Variants in CSMD1 observed in about 807,000 individuals in gnomAD.
The protein encoded by CSMD1 is CUB and sushi domain-containing protein 1.
In CSMD1, 213 loss-of-function variants were observed where a neutral mutation model predicts 417.5. That is an observed-to-expected ratio of 0.51 (90% CI 0.46 to 0.57). The LOEUF is 0.57. Ranked by LOEUF, CSMD1 falls within the 20% of genes least tolerant of loss-of-function variation. CSMD1 has a pLI of 0.00. For missense variants in CSMD1, 6,923 were observed against 4,529.7 expected (o/e 1.53, Z -15.17); for synonymous variants, 2,862 against 1,736.8 (o/e 1.65, Z -16.11).
intron 3 of CSMD1, among the ~76,000 whole-genome samples, chr8:4,356,508 C>G (rs1051036708): frequency 6.6e-6 from 1 of 152,116 alleles, no homozygotes; most frequent in Non-Finnish European, 1.5e-5. Context: ...ATTGCTGGAT[C>G]AAATGTTGTT....
intron 1 of CSMD1, among the ~76,000 whole-genome samples, chr8:4,875,834 C>A (rs1323856136): frequency 6.6e-6 from 1 of 152,100 alleles, no homozygotes; most frequent in East Asian, 1.9e-4. Context: ...GACACACACA[C>A]ACACACACAA....
At chr8:3,991,100 G>A (rs1411117323) in intron 5 of CSMD1, among the ~76,000 whole-genome samples, 3 of 152,276 alleles carry the variant, frequency 2.0e-5, no homozygotes, top group East Asian at 3.9e-4. Context: ...CTTCATCCCT[G>A]GCCACGAGCC....
intron 1 of CSMD1, among the ~76,000 whole-genome samples, chr8:4,945,280 G>A (rs1177352162): frequency 6.6e-6 from 1 of 152,198 alleles, no homozygotes; most frequent in East Asian, 1.9e-4. Context: ...AATGGGAACA[G>A]AGTTTTAGTT....
At chr8:4,582,513 G>A (rs937291703) in intron 2 of CSMD1, among the ~76,000 whole-genome samples, 1 of 152,178 alleles carries the variant, frequency 6.6e-6, no homozygotes, top group South Asian at 2.1e-4. Flanking sequence ...GAGAAACTAA[G>A]TCCTGTAGTC....
chr8:3,542,811 C>A (rs1370328289), intron 10 of CSMD1, among the ~76,000 whole-genome samples: 2 of 152,210 alleles, frequency 1.3e-5, no homozygotes, highest in Non-Finnish European at 2.9e-5. Flanking sequence ...GATGCTTTAG[C>A]TAAGCAAGAT....
At chr8:4,268,503 G>T (rs1233646462) in intron 3 of CSMD1, among the ~76,000 whole-genome samples, 3 of 152,122 alleles carry the variant, frequency 2.0e-5, no homozygotes, top group African/African-American at 7.2e-5. Context: ...GTAGTATTTA[G>T]AGAAACAAGT....
intron 5 of CSMD1, among the ~76,000 whole-genome samples, chr8:3,802,162 A>C (rs764388076): frequency 6.6e-6 from 1 of 152,188 alleles, no homozygotes; most frequent in Non-Finnish European, 1.5e-5. Context: ...TCAAAAAATA[A>C]TTACTATGAC....
chr8:4,427,224 G>A (rs934754621), intron 2 of CSMD1, among the ~76,000 whole-genome samples: 1 of 152,114 alleles, frequency 6.6e-6, no homozygotes, highest in Non-Finnish European at 1.5e-5. Context: ...CCCAAGAGAG[G>A]CACACGCCGT....
intron 3 of CSMD1, among the ~76,000 whole-genome samples, chr8:4,250,836 A>C (rs1387613363): frequency 6.6e-6 from 1 of 152,200 alleles, no homozygotes; most frequent in Non-Finnish European, 1.5e-5. Context: ...GTTTTTTAGA[A>C]TATGTCAACA....
At chr8:4,697,383 G>A (rs937301828) in intron 1 of CSMD1, among the ~76,000 whole-genome samples, 9 of 152,128 alleles carry the variant, frequency 5.9e-5, no homozygotes, top group African/African-American at 2.2e-4. Context: ...TTGATTTTAA[G>A]TGGCTACTTT....
At chr8:3,811,027 G>A (rs549952810) in intron 5 of CSMD1, among the ~76,000 whole-genome samples, 22 of 152,200 alleles carry the variant, frequency 1.4e-4, no homozygotes, top group African/African-American at 3.6e-4. Context: ...TGATCACTCC[G>A]TCTTACTGGC....
chr8:3,337,030 A>C (rs551687352), intron 23 of CSMD1, among the ~76,000 whole-genome samples: 1 of 152,070 alleles, frequency 6.6e-6, no homozygotes, highest in Non-Finnish European at 1.5e-5. Flanking sequence ...GTGAACTGTA[A>C]CTTTCTGGGG....
At chr8:4,227,980 C>A (rs946887700) in intron 3 of CSMD1, among the ~76,000 whole-genome samples, 2 of 151,912 alleles carry the variant, frequency 1.3e-5, no homozygotes, top group Admixed American at 1.3e-4. Flanking sequence ...GAGACACGCC[C>A]TCCATCCTAC....
At chr8:3,189,055 C>A (rs1318579967) in intron 34 of CSMD1, 44 bp from the exon 35 acceptor site, 1 of 1,579,010 alleles carries the variant, frequency 6.3e-7, no homozygotes, top group Non-Finnish European at 8.6e-7. Flanking sequence ...TGCTGTGGGA[C>A]AGTGTTGATT....
chr8:4,117,049 A>C (rs1265671537), intron 3 of CSMD1, among the ~76,000 whole-genome samples: 10 of 151,912 alleles, frequency 6.6e-5, no homozygotes, highest in Non-Finnish European at 1.5e-4. Flanking sequence ...GGAAACTGTC[A>C]GTAGTTAACC....
intron 2 of CSMD1, among the ~76,000 whole-genome samples, chr8:4,439,330 T>C (rs1312736914): frequency 2.6e-5 from 4 of 152,284 alleles, no homozygotes; most frequent in East Asian, 1.9e-4. Context: ...ACGTTAAATA[T>C]AATTATTCAA....
chr8:4,396,275 A>T (rs146170692), intron 3 of CSMD1, among the ~76,000 whole-genome samples: 5 of 151,308 alleles, frequency 3.3e-5, no homozygotes, highest in African/African-American at 7.3e-5. Context: ...CAGCTTGGGG[A>T]ATACAGTGAG....
intron 2 of CSMD1, among the ~76,000 whole-genome samples, chr8:4,533,493 A>G (rs1282410784): frequency 6.6e-6 from 1 of 152,194 alleles, no homozygotes; most frequent in Non-Finnish European, 1.5e-5. Context: ...CTTGGAGTTT[A>G]TCAACCCACT....
At chr8:4,942,451 G>T (rs560077982) in intron 1 of CSMD1, among the ~76,000 whole-genome samples, 1 of 152,060 alleles carries the variant, frequency 6.6e-6, no homozygotes, top group Non-Finnish European at 1.5e-5. Context: ...CAACCATCAT[G>T]ACAAAGACAG....
Sources: allele counts gnomAD v4.1 joint callset (sites outside exome capture counted in the v4.1 genomes callset), GRCh38; gene constraint gnomAD v4.1.1; transcripts MANE v1.5; gene names NCBI Gene and HGNC (gene_info 2026-07-23, HGNC 2026-07-21).